The following WDR41 variants were observed in gnomAD, a reference collection of about 807,000 sequenced individuals.
The protein encoded by WDR41 is WD repeat-containing protein 41.
Under a neutral mutation model 69.3 loss-of-function variants are expected in WDR41, and 63 were observed. That is an observed-to-expected ratio of 0.91 (90% CI 0.74 to 1.12). The LOEUF (loss-of-function observed/expected upper bound fraction) is 1.12. WDR41 is among the 50% of genes most tolerant of loss of function. The pLI is 0.00. For synonymous variants in WDR41, 185 were observed against 192.1 expected (o/e 0.96, Z 0.31); for missense variants, 543 against 534.5 (o/e 1.02, Z -0.16).
upstream of WDR41, among the ~76,000 whole-genome samples, chr5:77,492,877 A>C (rs1045736102): frequency 6.6e-6 from 1 of 152,224 alleles, no homozygotes; most frequent in African/African-American, 2.4e-5. Flanking sequence ...CACATCAAGA[A>C]ACTAAAGCTC....
At chr5:77,580,311 T>C (rs1743912947) in intron 1 of WDR41, among the ~76,000 whole-genome samples, 1 of 152,170 alleles carries the variant, frequency 6.6e-6, no homozygotes, top group Non-Finnish European at 1.5e-5. Context: ...CTTCACAGGA[T>C]GGCAGGAGAA....
chr5:77,505,306 A>T (rs2112161945), intron 1 of WDR41, among the ~76,000 whole-genome samples: 1 of 152,312 alleles, frequency 6.6e-6, no homozygotes, highest in South Asian at 2.1e-4. Flanking sequence ...AATACATAGG[A>T]ATCCAACTTA....
chr5:77,514,650 G>T (rs1302714484), intron 1 of WDR41, among the ~76,000 whole-genome samples: 1 of 152,150 alleles, frequency 6.6e-6, no homozygotes, highest in Non-Finnish European at 1.5e-5. Flanking sequence ...GACACATTCT[G>T]AGAAATGTGT....
chr5:77,611,968 T>C (rs1410344884), intron 1 of WDR41, among the ~76,000 whole-genome samples: 2 of 152,078 alleles, frequency 1.3e-5, no homozygotes, highest in Non-Finnish European at 2.9e-5. Context: ...ATATCACCAC[T>C]GATCCCACAG....
chr5:77,465,711 C>G (rs1472316114), intron 2 of WDR41, among the ~76,000 whole-genome samples: 1 of 124,988 alleles, frequency 8.0e-6, no homozygotes, highest in Non-Finnish European at 1.6e-5. Context: ...TGCTTTCACT[C>G]AAATTCAGGC....
At position 77,432,021 on chromosome 5, in the gene WDR41, C is replaced by T. The variant is rs974659894; in HGVS notation, c.*1114G>A. On this transcript the variant is annotated 3_prime_UTR_variant, in exon 13 of 13. Coordinates refer to ENST00000296679, the MANE Select transcript of WDR41 (RefSeq NM_018268.4). ...TTATGCCACTGGTCTACTCAGATGACCTTAACTCTTCCAGTCTTTGTAGGT... is the reference window on the plus strand; with the variant it reads ...TTATGCCACTGGTCTACTCAGATGATCTTAACTCTTCCAGTCTTTGTAGGT... The T allele has an allele frequency of 6.6e-6, 1 of 152,144 alleles. No individual in the cohort carries two copies. The highest frequency in any genetic ancestry group is 6.5e-5 in the Admixed American group (1 of 15,282). The allele number at this position is 152,144 out of a possible 1,614,324, so 9.4% of individuals were successfully genotyped here. A position where few individuals can be genotyped will look rare whatever the true frequency, so the allele number is the denominator to read the frequency against.
At chr5:77,476,783 A>G (rs1800954929) in intron 2 of WDR41, among the ~76,000 whole-genome samples, 1 of 150,122 alleles carries the variant, frequency 6.7e-6, no homozygotes, top group African/African-American at 2.5e-5. Context: ...CAAAATAACC[A>G]GCTAACATCA....
intron 1 of WDR41, among the ~76,000 whole-genome samples, chr5:77,523,520 C>T (rs1008641992): frequency 6.6e-6 from 1 of 151,766 alleles, no homozygotes; most frequent in South Asian, 2.1e-4. Context: ...TACTGATTAC[C>T]TACTATATTC....
chr5:77,578,489 A>G (rs1743875552), intron 1 of WDR41, among the ~76,000 whole-genome samples: 1 of 152,192 alleles, frequency 6.6e-6, no homozygotes, highest in Non-Finnish European at 1.5e-5. Flanking sequence ...TCTGATAGCA[A>G]GCAACAGAAA....
chr5:77,540,126 T>C (rs1018606333), intron 1 of WDR41, among the ~76,000 whole-genome samples: 1 of 152,212 alleles, frequency 6.6e-6, no homozygotes, highest in Non-Finnish European at 1.5e-5. Flanking sequence ...GGTTATGGCA[T>C]CTCATCACTC....
chr5:77,451,436 G>T, intron 6 of WDR41, 83 bp from the exon 7 acceptor site: 2 of 1,302,330 alleles, frequency 1.5e-6, no homozygotes, highest in Non-Finnish European at 2.2e-6. Context: ...TTTTATGTCA[G>T]TCGTTTTCCA....
intron 1 of WDR41, among the ~76,000 whole-genome samples, chr5:77,542,883 G>A (rs1381322120): frequency 6.6e-6 from 1 of 152,174 alleles, no homozygotes; most frequent in African/African-American, 2.4e-5. Context: ...CAGACCCCCT[G>A]ATGGAAGTGG....
intron 1 of WDR41, among the ~76,000 whole-genome samples, chr5:77,550,633 G>A: frequency 6.6e-6 from 1 of 152,172 alleles, no homozygotes; most frequent in East Asian, 1.9e-4. Context: ...CACTGTTGGT[G>A]GGAATGTACG....
At chr5:77,569,168 A>G (rs1743687966) in intron 1 of WDR41, among the ~76,000 whole-genome samples, 1 of 152,204 alleles carries the variant, frequency 6.6e-6, no homozygotes, top group Admixed American at 6.5e-5. Flanking sequence ...ATACTGCAAC[A>G]TTTTAATGCC....
At chr5:77,470,194 G>A (rs887225955) in intron 2 of WDR41, among the ~76,000 whole-genome samples, 14 of 151,724 alleles carry the variant, frequency 9.2e-5, no homozygotes. Context: ...CATAAGTGAA[G>A]GAGAAATAAA....
At position 77,440,963 on chromosome 5, in the gene WDR41, C is replaced by G; in HGVS notation, c.732G>C (p.Glu244Asp). 6.2e-7 allele frequency: 1 copy of G among 1,613,754 alleles called. No homozygotes were observed. The change falls in exon 9 of 13, where the codon GAG becomes GAC. Residue 244 changes from glutamate to aspartate, a missense_variant. By Grantham distance (45) the Glu-to-Asp change is conservative (BLOSUM62 2). Transcript: ENST00000296679. Reference protein sequence around the residue: ...LSFVTGSHVGELIIWDALDWT... With the variant: ...LSFVTGSHVGDLIIWDALDWT... ...AGTCCAGGGCATCCCAGATGATCAG[C>G]TCTCCGACGTGGGAGCCGGTGACAA...
intron 1 of WDR41, among the ~76,000 whole-genome samples, chr5:77,516,530 AG>A (rs1802293591): frequency 6.6e-6 from 1 of 152,180 alleles, no homozygotes; most frequent in Non-Finnish European, 1.5e-5. Context: ...TCTCCCTTCT[AG>A]GGAGATAGTT....
chr5:77,435,990 C>G (rs1166134174), intron 12 of WDR41, among the ~76,000 whole-genome samples: 1 of 152,146 alleles, frequency 6.6e-6, no homozygotes, highest in Admixed American at 6.5e-5. Context: ...ATTATTCACA[C>G]TGCCCTTACT....
At chr5:77,444,486 C>T (rs1799298247) in intron 8 of WDR41, among the ~76,000 whole-genome samples, 1 of 152,224 alleles carries the variant, frequency 6.6e-6, no homozygotes, top group Admixed American at 6.5e-5. Flanking sequence ...CTTAGAAAAC[C>T]TTCTGCCTGG....
Sources: gnomAD v4.1 joint callset for allele counts (sites outside exome capture counted in the v4.1 genomes callset) on GRCh38, gnomAD v4.1.1 for gene constraint, MANE v1.5 for transcripts, NCBI Gene and HGNC (gene_info 2026-07-23, HGNC 2026-07-21) for gene names.